Variants in SAMD12 observed in about 807,000 individuals in gnomAD.
SAMD12 encodes sterile alpha motif domain containing 12.
Under a neutral mutation model 15.0 loss-of-function variants are expected in SAMD12, and 9 were observed. The ratio of observed to expected loss-of-function variants is 0.60; its 90% CI spans 0.36 to 1.05. The LOEUF (loss-of-function observed/expected upper bound fraction) is 1.05, where lower values mean the gene tolerates loss of function less well. Among genes scored for constraint, SAMD12 ranks in the 50% least tolerant of loss-of-function variants. The pLI, the probability that SAMD12 is intolerant of heterozygous loss-of-function variation, is 0.01. For missense variants in SAMD12, 230 were observed against 234.2 expected (o/e 0.98, Z 0.12); for synonymous variants, 86 against 90.1 (o/e 0.96, Z 0.25).
chr8:118,367,812 T>C (rs944126175), intron 4 of SAMD12, among the ~76,000 whole-genome samples: 7 of 152,162 alleles, frequency 4.6e-5, no homozygotes, highest in Admixed American at 3.3e-4. Flanking sequence ...ATGTCTCCCA[T>C]ATGCTGGCTA....
chr8:118,396,623 A>G (rs115278826), intron 3 of SAMD12, among the ~76,000 whole-genome samples: 170 of 152,344 alleles, frequency 1.1e-3, no homozygotes, highest in African/African-American at 3.8e-3. Flanking sequence ...GGGCCCAGAA[A>G]AGTGAAGAGA....
chr8:118,423,740 T>G (rs553029475), intron 3 of SAMD12, among the ~76,000 whole-genome samples: 2 of 152,194 alleles, frequency 1.3e-5, no homozygotes, highest in Non-Finnish European at 2.9e-5. Flanking sequence ...GTATAACATG[T>G]GAAAAGCTAT....
At chr8:118,603,846 G>C (rs552090527) in intron 1 of SAMD12, among the ~76,000 whole-genome samples, 1 of 152,022 alleles carries the variant, frequency 6.6e-6, no homozygotes, top group Non-Finnish European at 1.5e-5. Context: ...CCTAATATAT[G>C]AATATATTGG....
intron 4 of SAMD12, among the ~76,000 whole-genome samples, chr8:118,307,390 A>G (rs1265051994): frequency 1.3e-5 from 2 of 152,178 alleles, no homozygotes; most frequent in African/African-American, 4.8e-5. Context: ...ATCTGTTCAA[A>G]AGGACCCCAG....
intron 2 of SAMD12, among the ~76,000 whole-genome samples, chr8:118,523,380 A>C (rs1416773974): frequency 6.6e-6 from 1 of 152,190 alleles, no homozygotes. Context: ...GGAAGCAATC[A>C]TGAATCAGCT....
At chr8:118,226,564 A>G (rs1812193314) in intron 4 of SAMD12, among the ~76,000 whole-genome samples, 1 of 152,192 alleles carries the variant, frequency 6.6e-6, no homozygotes, top group Non-Finnish European at 1.5e-5. Flanking sequence ...CCATCAATTT[A>G]TCCAACTATT....
At chr8:118,611,514 C>A (rs566998247) in intron 1 of SAMD12, among the ~76,000 whole-genome samples, 113 of 152,268 alleles carry the variant, frequency 7.4e-4, no homozygotes, top group African/African-American at 2.6e-3. Flanking sequence ...TTATTGGTTA[C>A]CAGTTTCACC....
At chr8:118,372,755 T>C (rs953921279) in intron 4 of SAMD12, among the ~76,000 whole-genome samples, 3 of 152,058 alleles carry the variant, frequency 2.0e-5, no homozygotes, top group African/African-American at 7.2e-5. Context: ...GCAAAAGTAA[T>C]TGCAGTTTTT....
At chr8:118,201,458 CA>C (rs1260848510) in intron 4 of SAMD12, among the ~76,000 whole-genome samples, 1 of 152,078 alleles carries the variant, frequency 6.6e-6, no homozygotes, top group Non-Finnish European at 1.5e-5. Context: ...AAATTTTTAC[CA>C]AAAAACCCAC....
chr8:118,526,280 C>A (rs1825534537), intron 2 of SAMD12, among the ~76,000 whole-genome samples: 1 of 152,074 alleles, frequency 6.6e-6, no homozygotes, highest in African/African-American at 2.4e-5. Context: ...CACATAATGA[C>A]AAATGGCAGA....
intron 3 of SAMD12, 56 bp downstream of exon 3, chr8:118,439,776 T>C: frequency 6.4e-7 from 1 of 1,559,882 alleles, no homozygotes; most frequent in Non-Finnish European, 8.8e-7. Context: ...TGGGAAAGGC[T>C]ATCGTGACTG....
chr8:118,498,473 T>C (rs1466981606), intron 2 of SAMD12, among the ~76,000 whole-genome samples: 1 of 152,256 alleles, frequency 6.6e-6, no homozygotes, highest in Non-Finnish European at 1.5e-5. Flanking sequence ...GCTCCAGGCA[T>C]ATCACCAAAT....
intron 3 of SAMD12, among the ~76,000 whole-genome samples, chr8:118,386,627 G>A (rs1819978883): frequency 6.6e-6 from 1 of 152,200 alleles, no homozygotes; most frequent in African/African-American, 2.4e-5. Flanking sequence ...ATGGAGAAGT[G>A]AGGCACAGAG....
intron 4 of SAMD12, among the ~76,000 whole-genome samples, chr8:118,350,554 A>G (rs1222313316): frequency 6.6e-6 from 1 of 152,224 alleles, no homozygotes; most frequent in Non-Finnish European, 1.5e-5. Context: ...AAGAATGTGA[A>G]GTGCTGACCG....
At chr8:118,203,595 TTTA>T (rs1385358641) in intron 4 of SAMD12, among the ~76,000 whole-genome samples, 4 of 152,210 alleles carry the variant, frequency 2.6e-5, no homozygotes, top group Non-Finnish European at 4.4e-5. Context: ...ATTCTATTTT[TTTA>T]TTATTATTAT....
At chr8:118,437,077 C>G (rs1311141918) in intron 3 of SAMD12, among the ~76,000 whole-genome samples, 1 of 152,192 alleles carries the variant, frequency 6.6e-6, no homozygotes, top group African/African-American at 2.4e-5. Context: ...GTCATCACAT[C>G]TTGAGTTTTA....
At chr8:118,165,629 T>A in the SAMD12 span, among the ~76,000 whole-genome samples, 1 of 129,710 alleles carries the variant, frequency 7.7e-6, no homozygotes, top group African/African-American at 3.1e-5. Context: ...TATATATATA[T>A]ATATATACAT....
chr8:118,204,434 C>T (rs1819804941), intron 4 of SAMD12, among the ~76,000 whole-genome samples: 1 of 152,102 alleles, frequency 6.6e-6, no homozygotes, highest in African/African-American at 2.4e-5. Flanking sequence ...GGAATCAACC[C>T]TCTGACCGCA....
At chr8:118,520,574 A>AAT (rs1410583510) in intron 2 of SAMD12, among the ~76,000 whole-genome samples, 1 of 152,224 alleles carries the variant, frequency 6.6e-6, no homozygotes, top group East Asian at 1.9e-4. Flanking sequence ...TTCTGAAAAC[A>AAT]TAACACAATT....
Sources: allele counts gnomAD v4.1 joint callset (sites outside exome capture counted in the v4.1 genomes callset), GRCh38; gene constraint gnomAD v4.1.1; transcripts MANE v1.5; gene names NCBI Gene and HGNC (gene_info 2026-07-23, HGNC 2026-07-21).